The following SPATA16 variants were observed in gnomAD, a reference collection of about 807,000 sequenced individuals.
SPATA16 encodes the protein spermatogenesis associated 16.
A neutral mutation model predicts 63.3 loss-of-function variants in SPATA16; 36 were observed. That is an observed-to-expected ratio of 0.57 (90% CI 0.44 to 0.75). SPATA16 has a LOEUF of 0.75. SPATA16 is among the 30% of genes least tolerant of loss of function. SPATA16 has a pLI of 0.00. For missense variants in SPATA16, 646 were observed against 679.3 expected, an observed-to-expected ratio of 0.95 and a Z score of 0.54; for synonymous variants, 203 against 216.7, an observed-to-expected ratio of 0.94 and a Z score of 0.56.
At chr3:172,913,526 C>T (rs1372909087) in intron 10 of SPATA16, 135 bp downstream of exon 10, 2 of 765,422 alleles carry the variant, frequency 2.6e-6, no homozygotes, top group Non-Finnish European at 4.4e-6. Context: ...GAGAGAGCTG[C>T]ATTTAATTAA....
chr3:173,023,916 G>A (rs938872230), intron 3 of SPATA16, among the ~76,000 whole-genome samples: 2 of 150,430 alleles, frequency 1.3e-5, no homozygotes, highest in South Asian at 2.1e-4. Context: ...TATATAAAAT[G>A]TATAGAATAA....
chr3:173,048,247 G>A lies in SPATA16; in HGVS notation c.758+702C>T, dbSNP rs9824649. 6.2e-3 allele frequency among the ~76,000 whole-genome samples: 949 copies of A among 152,142 alleles called. 10 individuals are homozygous for A. Among genetic ancestry groups the A allele is most frequent in the African/African-American group, 0.022 (902 of 41,530 alleles). ...TAGAGACATCACAATTTCAAGGAAA[G>A]CGTTTGTTGAAAGGCATAATATAAT... On this transcript the variant is annotated intron_variant, in intron 3 of 10. Transcript: ENST00000351008.
intron 10 of SPATA16, among the ~76,000 whole-genome samples, chr3:172,901,143 A>T (rs1442016502): frequency 6.6e-6 from 1 of 151,970 alleles, no homozygotes; most frequent in Admixed American, 6.6e-5. Context: ...TTTTCACTTA[A>T]ATGTGTTTGT....
At chr3:173,022,126 G>T (rs1735346570) in intron 3 of SPATA16, among the ~76,000 whole-genome samples, 1 of 151,902 alleles carries the variant, frequency 6.6e-6, no homozygotes, top group Admixed American at 6.6e-5. Context: ...TGAGTAGTGA[G>T]GGCTGGTGAG....
intron 4 of SPATA16, among the ~76,000 whole-genome samples, chr3:172,999,445 G>A (rs552421012): frequency 1.5e-4 from 22 of 150,346 alleles, no homozygotes; most frequent in Non-Finnish European, 2.4e-4. Flanking sequence ...GCAGAGTCTC[G>A]CTCTTTCATC....
chr3:172,919,490 G>A (rs2109570062), intron 8 of SPATA16, among the ~76,000 whole-genome samples: 1 of 152,244 alleles, frequency 6.6e-6, no homozygotes, highest in Non-Finnish European at 1.5e-5. Flanking sequence ...AAGGAAACCA[G>A]GGTCAGAAGT....
chr3:173,088,070 C>CTTTCTTTCTTTCTT (rs1553801678), intron 2 of SPATA16, among the ~76,000 whole-genome samples: 1 of 105,442 alleles, frequency 9.5e-6, no homozygotes, highest in African/African-American at 3.5e-5. Flanking sequence ...TTCTTTCTTT[C>CTTTCTTTCTTTCTT]TTTCTTTCTG....
At chr3:173,058,741 C>T (rs1252046089) in intron 2 of SPATA16, among the ~76,000 whole-genome samples, 1 of 151,798 alleles carries the variant, frequency 6.6e-6, no homozygotes, top group Non-Finnish European at 1.5e-5. Flanking sequence ...TAAATTTGTT[C>T]ACTTATTTTT....
chr3:173,047,613 A>G (rs1257267167), intron 3 of SPATA16, among the ~76,000 whole-genome samples: 1 of 151,946 alleles, frequency 6.6e-6, no homozygotes, highest in Admixed American at 6.6e-5. Context: ...GTTTTCAAGT[A>G]TTTTTCCCAC....
At chr3:173,013,342 G>A (rs181234037) in intron 4 of SPATA16, among the ~76,000 whole-genome samples, 35 of 152,322 alleles carry the variant, frequency 2.3e-4, no homozygotes, top group Admixed American at 2.3e-3. Context: ...TTCAGCCATT[G>A]TTGAAAGCAG....
intron 3 of SPATA16, among the ~76,000 whole-genome samples, chr3:173,037,315 A>G (rs943333759): frequency 6.6e-6 from 1 of 152,082 alleles, no homozygotes; most frequent in African/African-American, 2.4e-5. Context: ...AAAAACCAAG[A>G]ACTACTTTCC....
chr3:173,104,494 C>CA (rs1237806188), intron 2 of SPATA16, among the ~76,000 whole-genome samples: 1 of 152,144 alleles, frequency 6.6e-6, no homozygotes, highest in Non-Finnish European at 1.5e-5. Context: ...GGTGAGGTCT[C>CA]AGGTTGCTTT....
chr3:172,959,787 C>CATATATATATATATATATATATATATAT (rs66806016), intron 5 of SPATA16, among the ~76,000 whole-genome samples: 9 of 135,510 alleles, frequency 6.6e-5, no homozygotes, highest in African/African-American at 2.3e-4. Flanking sequence ...AGTAATATAA[C>CATATATATATATATATATATATATATAT]ATATATATAT....
At chr3:172,972,189 C>G (rs181293829) in intron 5 of SPATA16, among the ~76,000 whole-genome samples, 27 of 152,278 alleles carry the variant, frequency 1.8e-4, no homozygotes, top group Non-Finnish European at 2.6e-4. Context: ...GATGGGAAGT[C>G]TTGGTGTTCT....
intron 4 of SPATA16, among the ~76,000 whole-genome samples, chr3:172,986,500 G>A (rs574856069): frequency 5.9e-4 from 90 of 152,236 alleles, no homozygotes; most frequent in African/African-American, 2.0e-3. Context: ...TGGTATTCAG[G>A]GAGGGGCACC....
intron 1 of SPATA16, among the ~76,000 whole-genome samples, chr3:173,140,018 A>AAACT (rs1738666101): frequency 7.0e-6 from 1 of 142,258 alleles, no homozygotes; most frequent in Non-Finnish European, 1.5e-5. Context: ...ACAAACAAAC[A>AAACT]AACTCCTGCA....
At chr3:173,119,768 C>G (rs1259832451) in intron 1 of SPATA16, among the ~76,000 whole-genome samples, 1 of 152,158 alleles carries the variant, frequency 6.6e-6, no homozygotes, top group African/African-American at 2.4e-5. Flanking sequence ...TCCTTTTCCT[C>G]TCTTACAAAT....
At chr3:172,896,787 C>T (rs74656012) in intron 10 of SPATA16, among the ~76,000 whole-genome samples, 14,741 of 151,538 alleles carry the variant, frequency 0.097, 812 homozygotes, top group African/African-American at 0.14. Context: ...CAAATTGGAT[C>T]GGCTTTTTTT....
At chr3:173,138,328 AC>A (rs1290386226) in intron 1 of SPATA16, among the ~76,000 whole-genome samples, 1 of 152,174 alleles carries the variant, frequency 6.6e-6, no homozygotes, top group African/African-American at 2.4e-5. Context: ...AGTGCCAGTA[AC>A]TTTTAAGCTA....
Sources: gnomAD v4.1 joint callset for allele counts (sites outside exome capture counted in the v4.1 genomes callset) on GRCh38, gnomAD v4.1.1 for gene constraint, MANE v1.5 for transcripts, NCBI Gene and HGNC (gene_info 2026-07-23, HGNC 2026-07-21) for gene names.